Variants in BRINP3 observed in about 807,000 individuals in gnomAD.
BRINP3 encodes BMP/retinoic acid-inducible neural-specific protein 3.
Under a neutral mutation model 71.0 loss-of-function variants are expected in BRINP3, and 19 were observed. That is an observed-to-expected ratio of 0.27 (90% CI 0.19 to 0.39). The LOEUF (loss-of-function observed/expected upper bound fraction) is 0.39. Among genes scored for constraint, BRINP3 ranks in the 10% least tolerant of loss-of-function variants. The probability of loss-of-function intolerance (pLI) is 1.00; values close to 1 mark genes in which losing one functional copy is unlikely to be tolerated. For missense variants in BRINP3, 959 were observed against 940.8 expected, an observed-to-expected ratio of 1.02 and a Z score of -0.25; for synonymous variants, 380 against 337.7, an observed-to-expected ratio of 1.13 and a Z score of -1.37.
intron 2 of BRINP3, among the ~76,000 whole-genome samples, chr1:190,320,323 T>C (rs571285633): frequency 1.9e-3 from 285 of 152,152 alleles, no homozygotes; most frequent in African/African-American, 6.5e-3. Flanking sequence ...TGAGTGATGG[T>C]AGTTGTAATT....
intron 4 of BRINP3, 99 bp downstream of exon 4, chr1:190,264,766 G>T: frequency 1.2e-6 from 1 of 861,278 alleles, no homozygotes; most frequent in Non-Finnish European, 1.7e-6. Context: ...TAAAATAATT[G>T]TTTAAATTCA....
intron 2 of BRINP3, among the ~76,000 whole-genome samples, chr1:190,430,428 G>A (rs1190322822): frequency 6.6e-6 from 1 of 152,084 alleles, no homozygotes; most frequent in African/African-American, 2.4e-5. Context: ...AAATATAGGA[G>A]GGAAAGATTC....
At chr1:190,319,127 G>A (rs1666072900) in intron 2 of BRINP3, among the ~76,000 whole-genome samples, 1 of 152,032 alleles carries the variant, frequency 6.6e-6, no homozygotes, top group African/African-American at 2.4e-5. Flanking sequence ...CAGAACTTTA[G>A]GATATTCCTT....
At chr1:190,352,497 TTATC>T (rs1417921368) in intron 2 of BRINP3, among the ~76,000 whole-genome samples, 2 of 151,990 alleles carry the variant, frequency 1.3e-5, no homozygotes, top group Non-Finnish European at 2.9e-5. Context: ...AATCTAGGTA[TTATC>T]TATCATGAGA....
chr1:190,261,418 G>A (rs1037840159), intron 4 of BRINP3, among the ~76,000 whole-genome samples: 2 of 115,590 alleles, frequency 1.7e-5, no homozygotes, highest in African/African-American at 6.2e-5. Context: ...GTTTGTGTCA[G>A]TGTTTTTTAT....
At chr1:190,370,904 A>C (rs996672995) in intron 2 of BRINP3, among the ~76,000 whole-genome samples, 2 of 152,194 alleles carry the variant, frequency 1.3e-5, no homozygotes, top group African/African-American at 2.4e-5. Context: ...ATTTTAATTT[A>C]ATAATTTTAA....
At chr1:190,456,445 A>G (rs967169367) in intron 1 of BRINP3, among the ~76,000 whole-genome samples, 1 of 152,090 alleles carries the variant, frequency 6.6e-6, no homozygotes, top group Non-Finnish European at 1.5e-5. Context: ...ATAAGAAGGA[A>G]TATTATAATA....
intron 2 of BRINP3, among the ~76,000 whole-genome samples, chr1:190,387,675 T>C (rs1157001759): frequency 1.3e-5 from 2 of 151,808 alleles, no homozygotes; most frequent in African/African-American, 4.8e-5. Flanking sequence ...CTATGTCTCA[T>C]TTGTTTGCTT....
At chr1:190,349,607 T>C (rs547806965) in intron 2 of BRINP3, among the ~76,000 whole-genome samples, 1 of 152,250 alleles carries the variant, frequency 6.6e-6, no homozygotes, top group African/African-American at 2.4e-5. Context: ...ATCATTGTTA[T>C]TAGAATTTAT....
intron 3 of BRINP3, among the ~76,000 whole-genome samples, chr1:190,271,578 G>A (rs1347697067): frequency 5.9e-5 from 9 of 151,496 alleles, no homozygotes; most frequent in Non-Finnish European, 1.3e-4. Context: ...TATTTGTGAT[G>A]AGAAGTTGGC....
At chr1:190,333,066 A>G (rs1181631985) in intron 2 of BRINP3, among the ~76,000 whole-genome samples, 1 of 151,996 alleles carries the variant, frequency 6.6e-6, no homozygotes, top group Non-Finnish European at 1.5e-5. Context: ...TGATAATAGT[A>G]ACAAGTACTA....
At chr1:190,166,706 A>C (rs1283610077) in intron 6 of BRINP3, among the ~76,000 whole-genome samples, 1 of 151,874 alleles carries the variant, frequency 6.6e-6, no homozygotes, top group Non-Finnish European at 1.5e-5. Context: ...AGCAGTGTTG[A>C]CCTCACTAAA....
At chr1:190,287,096 G>T (rs1055512104) in intron 2 of BRINP3, among the ~76,000 whole-genome samples, 7 of 151,686 alleles carry the variant, frequency 4.6e-5, no homozygotes, top group Non-Finnish European at 8.8e-5. Flanking sequence ...CTGTGGTGGT[G>T]TGTGCCTGTA....
intron 1 of BRINP3, among the ~76,000 whole-genome samples, chr1:190,464,207 A>C (rs1676588732): frequency 1.3e-5 from 2 of 151,864 alleles, no homozygotes; most frequent in Non-Finnish European, 2.9e-5. Flanking sequence ...ATTTAATTCC[A>C]AGCATCAAAG....
intron 7 of BRINP3, among the ~76,000 whole-genome samples, chr1:190,118,999 C>T (rs1054875640): frequency 5.9e-5 from 9 of 152,068 alleles, no homozygotes; most frequent in Non-Finnish European, 1.3e-4. Context: ...AAGTTATGTT[C>T]CTACATTAAT....
intron 7 of BRINP3, among the ~76,000 whole-genome samples, chr1:190,120,673 T>C (rs1254814819): frequency 6.6e-6 from 1 of 151,590 alleles, no homozygotes; most frequent in Non-Finnish European, 1.5e-5. Context: ...TTTTTTTTTT[T>C]TTTGTATTTT....
chr1:190,475,133 T>C (rs963945842), intron 1 of BRINP3, among the ~76,000 whole-genome samples: 1 of 151,964 alleles, frequency 6.6e-6, no homozygotes, highest in Admixed American at 6.6e-5. Context: ...AAGGAAGGAG[T>C]GACCGTCAGC....
intron 7 of BRINP3, among the ~76,000 whole-genome samples, chr1:190,140,958 C>T (rs1472553451): frequency 2.0e-5 from 3 of 151,912 alleles, no homozygotes; most frequent in African/African-American, 7.3e-5. Flanking sequence ...AACAGAGAGG[C>T]TATTTTTTAA....
chr1:190,262,810 TC>T (rs1661302577), intron 4 of BRINP3, among the ~76,000 whole-genome samples: 2 of 152,128 alleles, frequency 1.3e-5, no homozygotes, highest in African/African-American at 4.8e-5. Context: ...ACTTAATGAA[TC>T]ATCATTATTC....
Sources: gnomAD v4.1 joint callset for allele counts (sites outside exome capture counted in the v4.1 genomes callset) on GRCh38, gnomAD v4.1.1 for gene constraint, MANE v1.5 for transcripts, NCBI Gene and HGNC (gene_info 2026-07-23, HGNC 2026-07-21) for gene names.